CES5A: variants seen among roughly 807,000 people sequenced by gnomAD.
CES5A encodes carboxylesterase 5A, also known as carboxylesterase 5.
A neutral mutation model predicts 62.9 loss-of-function variants in CES5A; 67 were observed. The observed-to-expected ratio is 1.07, with a 90% confidence interval of 0.88 to 1.31. CES5A has a LOEUF of 1.31. Ranked by LOEUF, CES5A falls within the 50% of genes most tolerant of loss-of-function variation. The pLI is 0.00. For synonymous variants in CES5A, 296 were observed against 280.8 expected, an observed-to-expected ratio of 1.05 and a Z score of -0.54; for missense variants, 748 against 708.5, an observed-to-expected ratio of 1.06 and a Z score of -0.63.
chr16:55,871,820 A>G (rs780397072), intron 2 of CES5A, 57 bp from the exon 3 acceptor site: 3 of 1,593,206 alleles, frequency 1.9e-6, no homozygotes, highest in South Asian at 1.1e-5. Context: ...CTTGCCTGGG[A>G]AGGGCCAGTT....
chr16:55,911,157 T>C (rs1306347279), intron 1 of CES5A, among the ~76,000 whole-genome samples: 1 of 152,182 alleles, frequency 6.6e-6, no homozygotes, highest in African/African-American at 2.4e-5. Flanking sequence ...CCCTTCCATC[T>C]TGTTGCTCTG....
At chr16:55,943,912 A>C (rs1021340791) in intron 2 of CES5A, 4 of 627,452 alleles carry the variant, frequency 6.4e-6, no homozygotes, top group South Asian at 5.4e-5. Flanking sequence ...GTATCCAGTA[A>C]GAGGGTCTAG....
upstream of CES5A, among the ~76,000 whole-genome samples, chr16:55,879,094 G>A (rs150225184): frequency 1.8e-4 from 20 of 109,516 alleles, no homozygotes; most frequent in African/African-American, 3.3e-4. Flanking sequence ...TTATCCCATC[G>A]CTGTACCCTA....
chr16:55,886,401 A>G (rs2033815748), intron 1 of CES5A, among the ~76,000 whole-genome samples: 1 of 152,196 alleles, frequency 6.6e-6, no homozygotes, highest in Admixed American at 6.5e-5. Context: ...GACAGTGTGT[A>G]GATCTTTGTG....
chr16:55,873,489 C>T (rs1180544691), intron 2 of CES5A, among the ~76,000 whole-genome samples: 1 of 152,142 alleles, frequency 6.6e-6, no homozygotes, highest in Non-Finnish European at 1.5e-5. Flanking sequence ...CCAAAGGACT[C>T]AGTACGCCCA....
At chr16:55,946,958 GCTCACATC>G (rs1211588632) in intron 2 of CES5A, among the ~76,000 whole-genome samples, 7 of 152,138 alleles carry the variant, frequency 4.6e-5, no homozygotes, top group African/African-American at 1.4e-4. Flanking sequence ...CTTCACATCT[GCTCACATC>G]CCATTGACCA....
In CES5A at chr16:55,861,518, T is replaced by C; in HGVS notation, c.811-2A>G. 6.2e-7 allele frequency: 1 copy of C among 1,603,838 alleles called. No homozygotes were observed. Among genetic ancestry groups the C allele is most frequent in the Non-Finnish European group, 8.5e-7 (1 of 1,170,662 alleles). On this transcript the variant is annotated splice_acceptor_variant, in intron 6 of 12. Transcript: ENST00000290567. LOFTEE classifies it high-confidence loss of function. ...ACAGAAATGTGCAACCACCTGCAGC[T>C]ATTTTGTAGAGAAGGACCGGGTTAG...
intron 1 of CES5A, among the ~76,000 whole-genome samples, chr16:55,881,332 T>G (rs1193898170): frequency 1.3e-5 from 2 of 152,172 alleles, no homozygotes; most frequent in Non-Finnish European, 2.9e-5. Context: ...TCCTAGTGAA[T>G]GAATCGCGTG....
At chr16:55,871,461 T>C (rs976391613) in intron 3 of CES5A, among the ~76,000 whole-genome samples, 164 bp downstream of exon 3, 3 of 152,238 alleles carry the variant, frequency 2.0e-5, no homozygotes, top group Non-Finnish European at 2.9e-5. Context: ...AAACTGATCA[T>C]GTGAATCTAT....
chr16:55,892,081 C>A (rs150051390), intron 1 of CES5A, among the ~76,000 whole-genome samples: 212 of 152,186 alleles, frequency 1.4e-3, no homozygotes, highest in African/African-American at 4.8e-3. Context: ...AAACATTTGC[C>A]ATCTATTGTC....
intron 4 of CES5A, among the ~76,000 whole-genome samples, chr16:55,868,099 C>T (rs1345733335): frequency 6.6e-6 from 1 of 152,216 alleles, no homozygotes; most frequent in Non-Finnish European, 1.5e-5. Flanking sequence ...CAAGGCCTTT[C>T]CCTATCAGGC....
chr16:55,903,986 A>G (rs961684207), intron 1 of CES5A, among the ~76,000 whole-genome samples: 4 of 152,250 alleles, frequency 2.6e-5, no homozygotes, highest in African/African-American at 9.6e-5. Context: ...CATAGCTTCA[A>G]AATACATAAA....
chr16:55,923,909 A>G (rs1229401983), intron 1 of CES5A, among the ~76,000 whole-genome samples: 1 of 151,994 alleles, frequency 6.6e-6, no homozygotes, highest in Non-Finnish European at 1.5e-5. Context: ...TATAGAAGGA[A>G]CATGCTCAAA....
At chr16:55,948,851 G>T (rs1429377514) in intron 2 of CES5A, among the ~76,000 whole-genome samples, 1 of 152,166 alleles carries the variant, frequency 6.6e-6, no homozygotes, top group Non-Finnish European at 1.5e-5. Flanking sequence ...TGGTGTTAGA[G>T]TTTGAGGTCA....
At chr16:55,946,197 T>C (rs576191373) in intron 2 of CES5A, among the ~76,000 whole-genome samples, 25 of 152,268 alleles carry the variant, frequency 1.6e-4, no homozygotes, top group Non-Finnish European at 3.2e-4. Flanking sequence ...CAAGACTCAA[T>C]TCTAAATTTC....
chr16:55,909,560 G>C (rs1038358793), intron 1 of CES5A, among the ~76,000 whole-genome samples: 1 of 110,560 alleles, frequency 9.0e-6, no homozygotes, highest in Non-Finnish European at 2.0e-5. Flanking sequence ...ATGTGAGTGC[G>C]TGCGCACGTG....
At chr16:55,936,827 T>C (rs2034381584) in intron 2 of CES5A, among the ~76,000 whole-genome samples, 1 of 152,232 alleles carries the variant, frequency 6.6e-6, no homozygotes, top group Non-Finnish European at 1.5e-5. Flanking sequence ...AGTATTGTAC[T>C]GTAGCATTTA....
chr16:55,955,746 G>T, intron 1 of CES5A: 3 of 1,325,992 alleles, frequency 2.3e-6, no homozygotes, highest in Middle Eastern at 2.0e-4. Context: ...AGACAAAGTT[G>T]GGTGGGTAAA....
chr16:55,868,544 C>T (rs1426580731), intron 4 of CES5A, among the ~76,000 whole-genome samples: 1 of 152,224 alleles, frequency 6.6e-6, no homozygotes, highest in Admixed American at 6.5e-5. Flanking sequence ...TTCCACAGCT[C>T]CATGGCCTCT....
Sources: gnomAD v4.1 joint callset for allele counts (sites outside exome capture counted in the v4.1 genomes callset) on GRCh38, gnomAD v4.1.1 for gene constraint, MANE v1.5 for transcripts, NCBI Gene and HGNC (gene_info 2026-07-23, HGNC 2026-07-21) for gene names.